The following KAZN variants were observed in gnomAD, a reference collection of about 807,000 sequenced individuals.
The protein encoded by KAZN is kazrin.
Under a neutral mutation model 87.4 loss-of-function variants are expected in KAZN, and 40 were observed. The ratio of observed to expected loss-of-function variants is 0.46; its 90% CI spans 0.36 to 0.60. KAZN has a LOEUF of 0.60. Among genes scored for constraint, KAZN ranks in the 20% least tolerant of loss-of-function variants. The pLI, the probability that KAZN is intolerant of heterozygous loss-of-function variation, is 0.00. For synonymous variants in KAZN, 466 were observed against 458.3 expected (o/e 1.02, Z -0.22); for missense variants, 898 against 1,073.9 (o/e 0.84, Z 2.29).
intron 1 of KAZN, among the ~76,000 whole-genome samples, chr1:14,131,389 C>T (rs1468435090): frequency 6.6e-6 from 1 of 152,146 alleles, no homozygotes; most frequent in Non-Finnish European, 1.5e-5. Flanking sequence ...TCAATTTATT[C>T]ATTTTTATTA....
intron 4 of KAZN, among the ~76,000 whole-genome samples, chr1:15,053,328 C>T (rs1674616215): frequency 6.6e-6 from 1 of 152,156 alleles, no homozygotes; most frequent in Non-Finnish European, 1.5e-5. Context: ...AGGTCTGCTG[C>T]AGGTGTACAG....
chr1:14,277,980 T>G (rs1261929009), intron 2 of KAZN, among the ~76,000 whole-genome samples: 1 of 151,864 alleles, frequency 6.6e-6, no homozygotes, highest in East Asian at 2.0e-4. Context: ...TTTATTTACA[T>G]TCTTAGGCAG....
At chr1:14,764,960 T>C (rs1644848254) in intron 1 of KAZN, among the ~76,000 whole-genome samples, 1 of 152,236 alleles carries the variant, frequency 6.6e-6, no homozygotes, top group Non-Finnish European at 1.5e-5. Context: ...CCTAGGGCTA[T>C]GGTGAGTAGC....
chr1:15,004,930 G>A (rs998586644), intron 2 of KAZN, among the ~76,000 whole-genome samples: 5 of 152,284 alleles, frequency 3.3e-5, no homozygotes, highest in African/African-American at 1.2e-4. Flanking sequence ...CATGAACCAG[G>A]CACCTGAGAA....
chr1:14,305,006 C>T (rs1454766522), intron 2 of KAZN, among the ~76,000 whole-genome samples: 2 of 151,698 alleles, frequency 1.3e-5, no homozygotes, highest in East Asian at 1.9e-4. Context: ...AAAGGATTCT[C>T]ATTTTAAAAA....
intron 1 of KAZN, among the ~76,000 whole-genome samples, chr1:14,951,578 G>A (rs1662487804): frequency 6.6e-6 from 1 of 152,014 alleles, no homozygotes; most frequent in Non-Finnish European, 1.5e-5. Context: ...CCAGGTTCAA[G>A]CAATTTTCCT....
At chr1:15,043,273 T>C (rs1207822586) in intron 3 of KAZN, among the ~76,000 whole-genome samples, 1 of 152,190 alleles carries the variant, frequency 6.6e-6, no homozygotes, top group Non-Finnish European at 1.5e-5. Flanking sequence ...TGAACACAAT[T>C]GACCAAACAG....
intron 2 of KAZN, among the ~76,000 whole-genome samples, chr1:15,024,173 G>A: frequency 6.6e-6 from 1 of 152,154 alleles, no homozygotes; most frequent in Non-Finnish European, 1.5e-5. Flanking sequence ...GGTCAGAAGG[G>A]AACAGAGTCC....
intron 1 of KAZN, among the ~76,000 whole-genome samples, chr1:14,779,121 C>T (rs1043764519): frequency 5.3e-5 from 8 of 152,142 alleles, no homozygotes; most frequent in South Asian, 4.1e-4. Flanking sequence ...CTGTGTTCCG[C>T]GAGACAGGGC....
At chr1:14,050,546 C>T (rs967757070) in intron 1 of KAZN, among the ~76,000 whole-genome samples, 1 of 152,164 alleles carries the variant, frequency 6.6e-6, no homozygotes, top group African/African-American at 2.4e-5. Context: ...ATTTACAAAC[C>T]CATCAGATCT....
At position 14,996,438 on chromosome 1, in the gene KAZN, C is replaced by G. The variant is rs890494410; in HGVS notation, c.418+35563C>G. Among the ~76,000 whole-genome samples the G allele has an allele frequency of 1.3e-5, 2 of 152,180 alleles. No individual in the cohort carries two copies. Among genetic ancestry groups the G allele is most frequent in the African/African-American group, 4.8e-5 (2 of 41,438 alleles). The stretch of plus-strand genomic sequence containing the variant: ...TGTGACTTAGTCATCACTGTATCAT[C>G]AGACCCGGCACAGGGCCTGGCCTAC... On this transcript the variant is annotated intron_variant, in intron 2 of 14. Transcript: ENST00000376030. The surrounding 1 kb of genome is among the most constrained non-coding windows in gnomAD (Gnocchi z 5.9).
intron 1 of KAZN, among the ~76,000 whole-genome samples, chr1:14,828,164 A>G (rs918674893): frequency 6.6e-6 from 1 of 152,248 alleles, no homozygotes; most frequent in African/African-American, 2.4e-5. Flanking sequence ...CCCTGGCAAC[A>G]TAGTCACAGT....
At chr1:14,461,155 C>T (rs949057203) in intron 2 of KAZN, among the ~76,000 whole-genome samples, 4 of 152,184 alleles carry the variant, frequency 2.6e-5, no homozygotes, top group Non-Finnish European at 5.9e-5. Flanking sequence ...CAACAGCATC[C>T]GCCCTTGAGT....
chr1:14,205,535 A>G (rs1380493616), intron 2 of KAZN, among the ~76,000 whole-genome samples: 1 of 152,186 alleles, frequency 6.6e-6, no homozygotes, highest in Non-Finnish European at 1.5e-5. Context: ...TGTGGCAGTG[A>G]AAACAGGATT....
chr1:14,823,254 G>T (rs1646787888), intron 1 of KAZN, among the ~76,000 whole-genome samples: 1 of 152,156 alleles, frequency 6.6e-6, no homozygotes, highest in Non-Finnish European at 1.5e-5. Context: ...AGAAAACTGG[G>T]CATGAACCGA....
At chr1:15,024,490 A>T (rs1166408920) in intron 2 of KAZN, among the ~76,000 whole-genome samples, 2 of 152,244 alleles carry the variant, frequency 1.3e-5, no homozygotes, top group African/African-American at 4.8e-5. Flanking sequence ...TCTGTGAAAG[A>T]TGTGAGAGAG....
chr1:15,087,797 G>T (rs921506984), intron 8 of KAZN, among the ~76,000 whole-genome samples: 1 of 152,198 alleles, frequency 6.6e-6, no homozygotes, highest in Non-Finnish European at 1.5e-5. Context: ...ACATGGGCCC[G>T]CAGGGGACAG....
intron 1 of KAZN, among the ~76,000 whole-genome samples, chr1:14,694,888 G>C (rs551420639): frequency 1.3e-5 from 2 of 152,260 alleles, no homozygotes; most frequent in South Asian, 4.1e-4. Flanking sequence ...ATTATACAAG[G>C]GCAAGCACAG....
intron 1 of KAZN, among the ~76,000 whole-genome samples, chr1:14,089,251 T>C (rs1643919962): frequency 6.6e-6 from 1 of 152,088 alleles, no homozygotes; most frequent in Non-Finnish European, 1.5e-5. Flanking sequence ...TGACAATCTA[T>C]GTCTTTTAGT....
Sources: allele counts gnomAD v4.1 joint callset (sites outside exome capture counted in the v4.1 genomes callset), GRCh38; gene constraint gnomAD v4.1.1; non-coding constraint Gnocchi (gnomAD v3.1); transcripts MANE v1.5; gene names NCBI Gene and HGNC (gene_info 2026-07-23, HGNC 2026-07-21).